MSI2: variants seen among roughly 807,000 people sequenced by gnomAD.
MSI2 encodes the protein RNA-binding protein Musashi homolog 2.
A neutral mutation model predicts 45.6 loss-of-function variants in MSI2; 17 were observed. That is an observed-to-expected ratio of 0.37 (90% CI 0.26 to 0.56). MSI2 has a LOEUF of 0.56. MSI2 is among the 20% of genes least tolerant of loss of function. The pLI, the probability that MSI2 is intolerant of heterozygous loss-of-function variation, is 0.77. For missense variants in MSI2, 293 were observed against 444.2 expected (o/e 0.66, Z 3.06); for synonymous variants, 156 against 158.2 (o/e 0.99, Z 0.11).
intron 7 of MSI2, among the ~76,000 whole-genome samples, chr17:57,578,970 G>C (rs1425270147): frequency 6.6e-6 from 1 of 152,078 alleles, no homozygotes; most frequent in African/African-American, 2.4e-5. Context: ...TTGTTAATCT[G>C]TTATTAGGCA....
intron 6 of MSI2, among the ~76,000 whole-genome samples, chr17:57,506,369 T>C (rs575945322): frequency 8.8e-4 from 134 of 152,346 alleles, no homozygotes; most frequent in Non-Finnish European, 1.0e-3. Flanking sequence ...ATTTGGTAGA[T>C]GAGAGGGATC....
intron 6 of MSI2, among the ~76,000 whole-genome samples, chr17:57,427,475 G>A (rs946436908): frequency 6.6e-6 from 1 of 152,038 alleles, no homozygotes; most frequent in African/African-American, 2.4e-5. Context: ...CACGGGATGT[G>A]GGGAAACCAG....
chr17:57,571,867 C>T (rs977140453), intron 7 of MSI2, among the ~76,000 whole-genome samples: 4 of 152,178 alleles, frequency 2.6e-5, no homozygotes, highest in Non-Finnish European at 4.4e-5. Flanking sequence ...CTCTGCCTTC[C>T]CCGCCCACAT....
intron 6 of MSI2, among the ~76,000 whole-genome samples, chr17:57,517,268 A>G (rs574385357): frequency 5.9e-5 from 9 of 152,282 alleles, no homozygotes; most frequent in African/African-American, 1.7e-4. Flanking sequence ...AGGCAGCCCA[A>G]AGGGGAAGGA....
intron 7 of MSI2, among the ~76,000 whole-genome samples, chr17:57,550,732 C>T (rs1397132900): frequency 6.6e-6 from 1 of 152,086 alleles, no homozygotes; most frequent in Non-Finnish European, 1.5e-5. Context: ...GGGGAAGAGT[C>T]GAGGTTCAGG....
chr17:57,501,696 G>A (rs546573688), intron 6 of MSI2, among the ~76,000 whole-genome samples: 1 of 152,328 alleles, frequency 6.6e-6, no homozygotes, highest in East Asian at 1.9e-4. Flanking sequence ...CTGTCAGGGT[G>A]AACCAAGTTC....
At chr17:57,667,667 C>T (rs1308357450) in intron 11 of MSI2, among the ~76,000 whole-genome samples, 1 of 152,190 alleles carries the variant, frequency 6.6e-6, no homozygotes, top group Non-Finnish European at 1.5e-5. Flanking sequence ...GAACTGACCT[C>T]GGCTCCAGAA....
intron 6 of MSI2, among the ~76,000 whole-genome samples, chr17:57,491,021 G>A (rs1272186593): frequency 6.6e-6 from 1 of 152,210 alleles, no homozygotes; most frequent in Non-Finnish European, 1.5e-5. Context: ...GTTCCGGGGT[G>A]GGGAGGACGG....
chr17:57,665,274 CA>C (rs2144723813), intron 11 of MSI2, among the ~76,000 whole-genome samples: 1 of 152,304 alleles, frequency 6.6e-6, no homozygotes, highest in African/African-American at 2.4e-5. Flanking sequence ...GGGCATGTAC[CA>C]GTAGAACTAG....
chr17:57,481,344 AGTCT>A (rs762654449), intron 6 of MSI2, among the ~76,000 whole-genome samples: 7 of 152,244 alleles, frequency 4.6e-5, no homozygotes, highest in Non-Finnish European at 8.8e-5. Context: ...TCAGCAAATA[AGTCT>A]GCTTTCATTG....
chr17:57,656,702 G>A (rs995659858), intron 11 of MSI2, among the ~76,000 whole-genome samples: 1 of 152,182 alleles, frequency 6.6e-6, no homozygotes, highest in African/African-American at 2.4e-5. Flanking sequence ...GCACAGTTTC[G>A]TGGAGACAGA....
intron 12 of MSI2, among the ~76,000 whole-genome samples, chr17:57,675,640 T>C (rs1913177355): frequency 6.6e-6 from 1 of 152,084 alleles, no homozygotes; most frequent in East Asian, 1.9e-4. Flanking sequence ...ATAGAGCCCC[T>C]GATCTAAGGT....
At chr17:57,439,559 CTTTTTTT>C (rs758957801) in intron 6 of MSI2, among the ~76,000 whole-genome samples, 1 of 137,236 alleles carries the variant, frequency 7.3e-6, no homozygotes, top group African/African-American at 2.7e-5. Context: ...TAGGCTTTGT[CTTTTTTT>C]TTTTTTTTTT....
chr17:57,631,936 T>C, intron 10 of MSI2: 1 of 1,532,566 alleles, frequency 6.5e-7, no homozygotes. Context: ...TCACTGAAAG[T>C]CTGTCTTAGC....
At chr17:57,478,690 C>CA (rs1203324287) in intron 6 of MSI2, among the ~76,000 whole-genome samples, 3 of 152,132 alleles carry the variant, frequency 2.0e-5, no homozygotes, top group African/African-American at 7.2e-5. Context: ...CAGTGGTTCT[C>CA]AGAGTCGGAA....
intron 6 of MSI2, among the ~76,000 whole-genome samples, chr17:57,500,989 A>T (rs766513619): frequency 5.3e-4 from 81 of 151,942 alleles, no homozygotes; most frequent in Non-Finnish European, 9.9e-4. Context: ...AACCAATATG[A>T]TTAATAATAA....
rs1016735335 is a variant in MSI2 at position 57,683,645 on chromosome 17, G to C, written c.*4128G>C. 1.7e-5 allele frequency: 4 copies of C among 232,054 alleles called. No individual in the cohort carries two copies. The highest frequency in any genetic ancestry group is 8.8e-5 in the African/African-American group (4 of 45,232). The allele number at this position is 232,054 out of a possible 1,614,324, so 14.4% of individuals were successfully genotyped here. On this transcript the variant is annotated 3_prime_UTR_variant, in exon 14 of 14. Coordinates refer to ENST00000284073, the MANE Select transcript of MSI2 (RefSeq NM_138962.4). This position sits in a 1 kb window ranked among gnomAD's most constrained non-coding sequence, Gnocchi z 5.2. The stretch of plus-strand genomic sequence containing the variant: ...TTGCAAGTGGCACGCAGGAACAGAG[G>C]GAGAGTGGGGGGCTGGTGGGGGAGG...
At chr17:57,417,022 G>T (rs909127732) in intron 6 of MSI2, among the ~76,000 whole-genome samples, 5 of 152,138 alleles carry the variant, frequency 3.3e-5, no homozygotes, top group Admixed American at 6.5e-5. Context: ...TCGCAGTGTG[G>T]TATAGCAAAT....
At chr17:57,685,037 G>A (rs923810812), downstream of MSI2, among the ~76,000 whole-genome samples, 2 of 152,106 alleles carry the variant, frequency 1.3e-5, no homozygotes, top group African/African-American at 4.8e-5. Flanking sequence ...GGGCCCTCCC[G>A]GGTGCTGCCC....
Sources: gnomAD v4.1 joint callset for allele counts (sites outside exome capture counted in the v4.1 genomes callset) on GRCh38, gnomAD v4.1.1 for gene constraint, Gnocchi (gnomAD v3.1) non-coding constraint, MANE v1.5 for transcripts, NCBI Gene and HGNC (gene_info 2026-07-23, HGNC 2026-07-21) for gene names.